Variants in PPARA observed in about 807,000 individuals in gnomAD.
PPARA encodes peroxisome proliferator-activated receptor alpha.
PPARA carries 22 observed loss-of-function variants against 42.2 expected under a neutral mutation model. The observed-to-expected ratio is 0.52, with a 90% confidence interval of 0.37 to 0.74. PPARA has a LOEUF of 0.74. PPARA is among the 30% of genes least tolerant of loss of function. The pLI, the probability that PPARA is intolerant of heterozygous loss-of-function variation, is 0.00. For synonymous variants in PPARA, 242 were observed against 239.3 expected, an observed-to-expected ratio of 1.01 and a Z score of -0.10; for missense variants, 465 against 608.2, an observed-to-expected ratio of 0.76 and a Z score of 2.48.
chr22:46,202,828 A>G (rs1305154081), intron 4 of PPARA, among the ~76,000 whole-genome samples: 6 of 150,752 alleles, frequency 4.0e-5, no homozygotes, highest in Non-Finnish European at 8.9e-5. Flanking sequence ...ACACCACTGC[A>G]CTCCAGCCTG....
rs1160346036 is a variant in PPARA at position 46,167,106 on chromosome 22, A to G, written c.-126-9647A>G. 6.6e-6 allele frequency among the ~76,000 whole-genome samples: 1 copy of G among 152,200 alleles called. No individual in the cohort carries two copies. The highest frequency in any genetic ancestry group is 1.5e-5 in the Non-Finnish European group (1 of 68,032). On this transcript the variant is annotated intron_variant, in intron 2 of 8. Transcript: ENST00000407236. The surrounding 1 kb of genome is among the most constrained non-coding windows in gnomAD (Gnocchi z 4.1). Reference sequence around the variant, plus strand: ...CATATATGGTCAATTGATTTTCAGCAAAGTGCCAAGTCATTTAAGTGGGGA... The same window carrying G: ...CATATATGGTCAATTGATTTTCAGCGAAGTGCCAAGTCATTTAAGTGGGGA...
Position 46,171,994 on chromosome 22 carries a change from A to G in PPARA, c.-126-4759A>G, listed in dbSNP as rs1928121341. Among the ~76,000 whole-genome samples, 4 of 152,132 alleles carry G rather than the reference A, an allele frequency of 2.6e-5. No homozygotes were observed. The highest frequency in any genetic ancestry group is 2.6e-4 in the Admixed American group (4 of 15,270). ...CGGCCAAGCAAGGTGGCTAAGTGGG[A>G]AAGGCTCCACCGCGTTGGGTGTAGG... On this transcript the variant is annotated intron_variant, in intron 2 of 8. Coordinates refer to ENST00000407236, the MANE Select transcript of PPARA (RefSeq NM_005036.6). The surrounding 1 kb of genome is among the most constrained non-coding windows in gnomAD (Gnocchi z 5.0).
At chr22:46,208,877 T>C (rs966031306) in intron 4 of PPARA, among the ~76,000 whole-genome samples, 1 of 152,054 alleles carries the variant, frequency 6.6e-6, no homozygotes, top group Non-Finnish European at 1.5e-5. Flanking sequence ...AATTTCCTTC[T>C]TTTTTAAGGC....
rs781206848 is a variant in PPARA at position 46,219,953 on chromosome 22, A to G, written c.650A>G (p.Asn217Ser). The G allele has an allele frequency of 1.4e-5, 22 of 1,614,110 alleles. No individual in the cohort carries two copies. The East Asian group carries it at 4.9e-4, about 36-fold the overall frequency. Reference sequence around the variant, plus strand: ...AGAATCTACGAGGCCTACTTGAAGAACTTCAACATGAACAAGGTCAAAGCC... The same window carrying G: ...AGAATCTACGAGGCCTACTTGAAGAGCTTCAACATGAACAAGGTCAAAGCC... ...AKRIYEAYLK[N>S]FNMNKVKARV... The change falls in exon 7 of 9, where the codon AAC (asparagine) becomes AGC (serine). Residue 217 changes from asparagine (N) to serine (S), a missense_variant. Asn to Ser is a conservative substitution (Grantham distance 46). Coordinates refer to ENST00000407236, the MANE Select transcript of PPARA (RefSeq NM_005036.6). This position sits in a 1 kb window ranked among gnomAD's most constrained non-coding sequence, Gnocchi z 4.8.
At position 46,161,840 on chromosome 22, in the gene PPARA, T is replaced by C. The variant is rs2093557596; in HGVS notation, c.-127+9870T>C. ...GCGCTAGCGTTTGGTCCCTGCGCTT[T>C]TCTGGATGCCCCCACCCCCTCTGGC... On this transcript the variant is annotated intron_variant, in intron 2 of 8. Coordinates refer to ENST00000407236, the MANE Select transcript of PPARA (RefSeq NM_005036.6). The surrounding 1 kb of genome is among the most constrained non-coding windows in gnomAD (Gnocchi z 4.8). Among the ~76,000 whole-genome samples, 1 of 152,178 alleles carries C rather than the reference T, an allele frequency of 6.6e-6. No individual in the cohort carries two copies. Among genetic ancestry groups the C allele is most frequent in the African/African-American group, 2.4e-5 (1 of 41,438 alleles).
At chr22:46,194,928 G>A (rs1162659551) in intron 3 of PPARA, among the ~76,000 whole-genome samples, 3 of 132,704 alleles carry the variant, frequency 2.3e-5, no homozygotes, top group Admixed American at 8.0e-5. Context: ...TTGAGACAAA[G>A]TCTTGCTCTT....
At chr22:46,208,563 AAG>A (rs1933617702) in intron 4 of PPARA, among the ~76,000 whole-genome samples, 1 of 151,810 alleles carries the variant, frequency 6.6e-6, no homozygotes, top group South Asian at 2.1e-4. Context: ...AAAAAAAAAA[AAG>A]TCTATTCCTT....
At chr22:46,207,558 C>T (rs1601748094) in intron 4 of PPARA, among the ~76,000 whole-genome samples, 1 of 150,082 alleles carries the variant, frequency 6.7e-6, no homozygotes, top group Admixed American at 6.7e-5. Context: ...GCTGGGATTA[C>T]AGGCATGAGC....
In PPARA at chr22:46,197,268, T is replaced by C. The variant is rs374197282; in HGVS notation, c.-42-1074T>C. ...TTTTGCCATGTTGGCCAGTCTGGTCTCAAACTCCTGACCTCAAGTGATCCG... is the reference window on the plus strand; with the variant it reads ...TTTTGCCATGTTGGCCAGTCTGGTCCCAAACTCCTGACCTCAAGTGATCCG... On this transcript the variant is annotated intron_variant, in intron 3 of 8. Coordinates refer to ENST00000407236, the MANE Select transcript of PPARA (RefSeq NM_005036.6). Among the ~76,000 whole-genome samples, 111 of 151,362 alleles carry C rather than the reference T, an allele frequency of 7.3e-4. 3 individuals are homozygous for C. The South Asian group carries it at 0.022, about 31-fold the overall frequency.
rs1197139748 is a variant in PPARA, at chr22:46,167,651, TAAAA to T, written c.-126-9098_-126-9095del. On this transcript the variant is annotated intron_variant, in intron 2 of 8. Transcript: ENST00000407236. This position sits in a 1 kb window ranked among gnomAD's most constrained non-coding sequence, Gnocchi z 4.1. ...ACTGGGTGACAGAGAGACCGTGTGT[TAAAA>T]AAAGAGTTAAAACTATAAAACCTTC... Among the ~76,000 whole-genome samples the T allele has an allele frequency of 6.6e-6, 1 of 151,358 alleles. No homozygotes were observed. The highest frequency in any genetic ancestry group is 1.5e-5 in the Non-Finnish European group (1 of 67,838).
At chr22:46,220,046 G>A (rs1569241200) in intron 7 of PPARA, 32 bp downstream of exon 7, 8 of 1,607,574 alleles carry the variant, frequency 5.0e-6, no homozygotes, top group Middle Eastern at 1.6e-4. Context: ...GGGTTCTCTT[G>A]GCAACATGGA....
At chr22:46,158,692 A>C (rs1283411128) in intron 2 of PPARA, among the ~76,000 whole-genome samples, 1 of 152,170 alleles carries the variant, frequency 6.6e-6, no homozygotes, top group Admixed American at 6.5e-5. Context: ...GGTAATAGGG[A>C]TATTTAAGTG....
rs1483288065 is a variant in PPARA, at chr22:46,190,184, G to A, written c.-42-8158G>A. On this transcript the variant is annotated intron_variant, in intron 3 of 8. Coordinates refer to ENST00000407236, the MANE Select transcript of PPARA (RefSeq NM_005036.6). The surrounding 1 kb of genome is among the most constrained non-coding windows in gnomAD (Gnocchi z 5.6). Reference sequence around the variant, plus strand: ...AAGACAAGGTGATAAATTAGAATTGGTGGGAAAGAGAAAAATCTGTCTTCT... The same window carrying A: ...AAGACAAGGTGATAAATTAGAATTGATGGGAAAGAGAAAAATCTGTCTTCT... Among the ~76,000 whole-genome samples, 2 of 152,194 alleles carry A rather than the reference G, an allele frequency of 1.3e-5. No homozygotes were observed. The highest frequency in any genetic ancestry group is 2.9e-5 in the Non-Finnish European group (2 of 68,032).
rs552739271 is a variant in PPARA at position 46,171,932 on chromosome 22, T to C, written c.-126-4821T>C. 3.8e-4 allele frequency among the ~76,000 whole-genome samples: 58 copies of C among 151,998 alleles called. No individual in the cohort carries two copies. Among genetic ancestry groups the C allele is most frequent in the Non-Finnish European group, 7.2e-4 (49 of 67,972 alleles). On this transcript the variant is annotated intron_variant, in intron 2 of 8. Transcript: ENST00000407236. The surrounding 1 kb of genome is among the most constrained non-coding windows in gnomAD (Gnocchi z 5.0). Reference sequence around the variant, plus strand: ...GGGCCCGGGCAGAAGCTATAGGTGGTTCTGAGGTTTGCAGAGGGGCCTGAA... The same window carrying C: ...GGGCCCGGGCAGAAGCTATAGGTGGCTCTGAGGTTTGCAGAGGGGCCTGAA...
chr22:46,157,679 T>C (rs1005053469), intron 2 of PPARA, among the ~76,000 whole-genome samples: 5 of 152,140 alleles, frequency 3.3e-5, no homozygotes, highest in African/African-American at 7.2e-5. Context: ...ACTGACTTCA[T>C]AGGGAAGGGG....
Position 46,221,061 on chromosome 22 carries a change from CA to C in PPARA, c.711+1049del, listed in dbSNP as rs147915832. On this transcript the variant is annotated intron_variant, in intron 7 of 8. Coordinates refer to ENST00000407236, the MANE Select transcript of PPARA (RefSeq NM_005036.6). The surrounding 1 kb of genome is among the most constrained non-coding windows in gnomAD (Gnocchi z 5.9). ...AGAGGTTTAATTGGCTCGTGGCCCA[CA>C]AGGCTGTACAGGAAGCTTCTGCTTC... 0.27 allele frequency among the ~76,000 whole-genome samples: 41,785 copies of C among 151,972 alleles called. 7,230 individuals carry two copies. The highest frequency in any genetic ancestry group is 0.49 in the African/African-American group (20,469 of 41,398).
rs1000818957 is a variant in PPARA at position 46,161,511 on chromosome 22, G to A, written c.-127+9541G>A. 2.6e-5 allele frequency among the ~76,000 whole-genome samples: 4 copies of A among 152,118 alleles called. No individual in the cohort carries two copies. Among genetic ancestry groups the A allele is most frequent in the Admixed American group, 6.5e-5 (1 of 15,270 alleles). The stretch of plus-strand genomic sequence containing the variant: ...TGAGGCAGGAGAATCACTTGAACCC[G>A]GGAGGCGGAGGCTGCAGTGAACCAA... On this transcript the variant is annotated intron_variant, in intron 2 of 8. Transcript: ENST00000407236. The surrounding 1 kb of genome is among the most constrained non-coding windows in gnomAD (Gnocchi z 4.8).
rs1404557111 is a variant in PPARA at position 46,163,695 on chromosome 22, G to A, written c.-127+11725G>A. 1 of 152,250 alleles carries A rather than the reference G, an allele frequency of 6.6e-6. No homozygotes were observed. The highest frequency in any genetic ancestry group is 1.9e-4 in the East Asian group (1 of 5,202). The allele number at this position is 152,250 out of a possible 1,614,324, so 9.4% of individuals were successfully genotyped here. A position where few individuals can be genotyped will look rare whatever the true frequency, so the allele number is the denominator to read the frequency against. The stretch of plus-strand genomic sequence containing the variant: ...TCATGCTTTGCCCAGCCAGGGCGGT[G>A]GGGAGGGAGACAGCCACATCCTGCC... On this transcript the variant is annotated intron_variant, in intron 2 of 8. Transcript: ENST00000407236. This position sits in a 1 kb window ranked among gnomAD's most constrained non-coding sequence, Gnocchi z 4.9.
At chr22:46,198,066 T>TA (rs572013724) in intron 3 of PPARA, among the ~76,000 whole-genome samples, 9,887 of 137,314 alleles carry the variant, frequency 0.072, 1,038 homozygotes, top group African/African-American at 0.24. Context: ...CCGTCTCTAC[T>TA]AAAAAAAAAA....
Sources: allele counts gnomAD v4.1 joint callset (sites outside exome capture counted in the v4.1 genomes callset), GRCh38; gene constraint gnomAD v4.1.1; non-coding constraint Gnocchi (gnomAD v3.1); transcripts MANE v1.5; gene names NCBI Gene and HGNC (gene_info 2026-07-23, HGNC 2026-07-21).